The following CATSPER3 variants were observed in gnomAD, a reference collection of about 807,000 sequenced individuals.
CATSPER3 encodes the protein cation channel sperm-associated protein 3.
Under a neutral mutation model 36.6 loss-of-function variants are expected in CATSPER3, and 23 were observed. That is an observed-to-expected ratio of 0.63 (90% CI 0.45 to 0.89). The LOEUF (loss-of-function observed/expected upper bound fraction) is 0.89. Among genes scored for constraint, CATSPER3 ranks in the 40% least tolerant of loss-of-function variants. The probability of loss-of-function intolerance (pLI) is 0.00; values close to 1 mark genes in which losing one functional copy is unlikely to be tolerated. For missense variants in CATSPER3, 474 were observed against 503.9 expected, an observed-to-expected ratio of 0.94 and a Z score of 0.57; for synonymous variants, 172 against 184.1, an observed-to-expected ratio of 0.93 and a Z score of 0.53.
intron 2 of CATSPER3, among the ~76,000 whole-genome samples, chr5:134,990,357 G>A (rs1191867061): frequency 6.6e-6 from 1 of 152,136 alleles, no homozygotes; most frequent in Non-Finnish European, 1.5e-5. Flanking sequence ...GGACTTTCAG[G>A]TCCTAGGTAG....
chr5:135,002,197 T>G (rs890564706), intron 3 of CATSPER3, among the ~76,000 whole-genome samples: 9 of 152,120 alleles, frequency 5.9e-5, no homozygotes, highest in Non-Finnish European at 1.0e-4. Flanking sequence ...GTCTGTAAAG[T>G]ATTTTATTTC....
chr5:134,972,814 G>A (rs1362798002), intron 2 of CATSPER3, among the ~76,000 whole-genome samples: 1 of 152,138 alleles, frequency 6.6e-6, no homozygotes, highest in Non-Finnish European at 1.5e-5. Context: ...CTGAGAATAT[G>A]GAGTTTGAAC....
In CATSPER3 at chr5:135,011,622, A is replaced by T. The variant is rs1381448271; in HGVS notation, c.1196A>T (p.Ter399LeuextTer?). The T allele has an allele frequency of 6.2e-7, 1 of 1,609,876 alleles. No individual in the cohort carries two copies. Residue 399 changes from the stop codon to leucine, a stop_lost, in exon 8 of 8, where the codon TAG becomes TTG. Transcript: ENST00000282611. ...PQSLEKVDEK[*>L] ...TCCTTGGAAAAGGTGGATGAGAAGT[A>T]GCTGGGCATGGGGCACCCATGTGCC... is the stretch of plus-strand genomic sequence containing the variant.
At chr5:134,988,912 A>G (rs1050501272) in intron 2 of CATSPER3, among the ~76,000 whole-genome samples, 1 of 152,156 alleles carries the variant, frequency 6.6e-6, no homozygotes, top group Admixed American at 6.6e-5. Context: ...TATGTCAGCT[A>G]TAGCCTTATG....
intron 2 of CATSPER3, among the ~76,000 whole-genome samples, chr5:134,979,868 A>G (rs1166125989): frequency 6.6e-6 from 1 of 152,214 alleles, no homozygotes; most frequent in Non-Finnish European, 1.5e-5. Flanking sequence ...AAGCCCTGAA[A>G]GAGTACCCCA....
rs760060034 is a variant in CATSPER3, at chr5:134,970,069, T to C, written c.229T>C (p.Tyr77His). ...MALWTSYDIR[Y>H]RLFRLLEFSE... ...CTTGTGGACCAGTTATGACATAAGG[T>C]ACCGCTTGTTCAGACTTCTTGAGGT... Residue 77 changes from tyrosine to histidine, a missense_variant, in exon 2 of 8, where the codon TAC (tyrosine) becomes CAC (histidine). Tyr to His is a moderately conservative substitution (Grantham distance 83, BLOSUM62 2). Coordinates refer to ENST00000282611, the MANE Select transcript of CATSPER3 (RefSeq NM_178019.3). 4 of 1,614,142 alleles carry C rather than the reference T, an allele frequency of 2.5e-6. No individual in the cohort carries two copies. Among genetic ancestry groups the C allele is most frequent in the Non-Finnish European group, 3.4e-6 (4 of 1,179,994 alleles).
At chr5:135,010,750 T>C (rs984865231) in intron 7 of CATSPER3, among the ~76,000 whole-genome samples, 1 of 152,074 alleles carries the variant, frequency 6.6e-6, no homozygotes, top group Non-Finnish European at 1.5e-5. Context: ...CTCCTGCCCC[T>C]CCCCAACCCA....
chr5:135,008,972 G>T lies in CATSPER3; in HGVS notation c.807G>T (p.Met269Ile). The change falls in exon 5 of 8, where the codon ATG becomes ATT. Residue 269 changes from methionine to isoleucine, a missense_variant. Physicochemically the swap from Met to Ile is conservative, Grantham distance 10. Coordinates refer to ENST00000282611, the MANE Select transcript of CATSPER3 (RefSeq NM_178019.3). ...FLNMFVGVMI[M>I]HTEDSIRKFE... The stretch of plus-strand genomic sequence containing the variant: ...ACATGTTCGTGGGTGTGATGATCAT[G>T]CACACAGAGGTGAGGCCACACCTGT... 6.2e-7 allele frequency: 1 copy of T among 1,613,698 alleles called. No individual in the cohort carries two copies. The highest frequency in any genetic ancestry group is 1.6e-4 in the Middle Eastern group (1 of 6,062).
chr5:135,008,760 T>G (rs1156466009), intron 4 of CATSPER3, 81 bp from the exon 5 acceptor site: 7 of 1,279,326 alleles, frequency 5.5e-6, no homozygotes, highest in Non-Finnish European at 8.0e-6. Context: ...TCAGTGGGCC[T>G]GGGACTCCTC....
At chr5:134,989,657 G>T (rs1439110657) in intron 2 of CATSPER3, among the ~76,000 whole-genome samples, 1 of 152,160 alleles carries the variant, frequency 6.6e-6, no homozygotes, top group East Asian at 1.9e-4. Context: ...ATTAGGCCTT[G>T]GTTTTAAGGA....
intron 2 of CATSPER3, among the ~76,000 whole-genome samples, chr5:134,977,877 G>A (rs1463070870): frequency 6.6e-6 from 1 of 152,134 alleles, no homozygotes; most frequent in Non-Finnish European, 1.5e-5. Context: ...AGGGCAAAGG[G>A]GAGCCAGCAT....
chr5:134,988,906 T>A (rs1413031142), intron 2 of CATSPER3, among the ~76,000 whole-genome samples: 1 of 152,164 alleles, frequency 6.6e-6, no homozygotes, highest in East Asian at 1.9e-4. Context: ...AATCACTATG[T>A]CAGCTATAGC....
chr5:134,990,148 A>G (rs1053613773), intron 2 of CATSPER3, among the ~76,000 whole-genome samples: 1 of 152,176 alleles, frequency 6.6e-6, no homozygotes, highest in Admixed American at 6.5e-5. Context: ...GACAGGTCTC[A>G]GCAAATTTAG....
intron 2 of CATSPER3, among the ~76,000 whole-genome samples, chr5:134,970,416 C>T (rs1211343229): frequency 6.6e-6 from 1 of 152,088 alleles, no homozygotes; most frequent in Non-Finnish European, 1.5e-5. Flanking sequence ...GCCTCAGCCT[C>T]CCAAAATGCT....
Position 135,011,586 on chromosome 5 carries a change from A to G in CATSPER3, c.1160A>G (p.Glu387Gly). 1.9e-6 allele frequency: 3 copies of G among 1,614,068 alleles called. No homozygotes were observed. The highest frequency in any genetic ancestry group is 1.7e-6 in the Non-Finnish European group (2 of 1,179,960). The part of the protein sequence containing the change: ...LSLMLEDLPQ[E>G]KPQSLEKVDE... ...CTAATGCTGGAAGACTTGCCCCAGG[A>G]GAAGCCCCAGTCCTTGGAAAAGGTG... The change falls in exon 8 of 8, where the codon GAG (glutamate) becomes GGG (glycine). Residue 387 changes from glutamate to glycine, a missense_variant. Coordinates refer to ENST00000282611, the MANE Select transcript of CATSPER3 (RefSeq NM_178019.3).
intron 3 of CATSPER3, among the ~76,000 whole-genome samples, chr5:135,006,792 T>G (rs747808403): frequency 2.5e-4 from 37 of 148,262 alleles, no homozygotes; most frequent in Non-Finnish European, 3.4e-4. Context: ...GAGCCGAGAT[T>G]GCGCCACTGC....
chr5:134,987,119 A>G (rs564271653), intron 2 of CATSPER3, among the ~76,000 whole-genome samples: 1 of 152,352 alleles, frequency 6.6e-6, no homozygotes, highest in South Asian at 2.1e-4. Context: ...GCCTTTAGCT[A>G]GATTGACTAA....
intron 2 of CATSPER3, among the ~76,000 whole-genome samples, chr5:134,987,759 T>C (rs1433183457): frequency 6.6e-6 from 1 of 152,140 alleles, no homozygotes; most frequent in African/African-American, 2.4e-5. Context: ...TCTTTCATTA[T>C]ACAAAAAAAA....
At chr5:134,980,513 C>A (rs941162360) in intron 2 of CATSPER3, among the ~76,000 whole-genome samples, 3 of 150,884 alleles carry the variant, frequency 2.0e-5, no homozygotes, top group African/African-American at 7.3e-5. Context: ...TCACTGCAAC[C>A]TCCAGCTCCC....
Sources: gnomAD v4.1 joint callset for allele counts (sites outside exome capture counted in the v4.1 genomes callset) on GRCh38, gnomAD v4.1.1 for gene constraint, MANE v1.5 for transcripts, NCBI Gene and HGNC (gene_info 2026-07-23, HGNC 2026-07-21) for gene names.